The following P3H2 variants were observed in gnomAD, a reference collection of about 807,000 sequenced individuals.
P3H2 encodes prolyl 3-hydroxylase 2.
A neutral mutation model predicts 87.0 loss-of-function variants in P3H2; 80 were observed. That is an observed-to-expected ratio of 0.92 (90% CI 0.77 to 1.11). The LOEUF (loss-of-function observed/expected upper bound fraction) is 1.11, where lower values mean the gene tolerates loss of function less well. Ranked by LOEUF, P3H2 falls within the 50% of genes least tolerant of loss-of-function variation. The probability of loss-of-function intolerance (pLI) is 0.00; values close to 1 mark genes in which losing one functional copy is unlikely to be tolerated. For missense variants in P3H2, 1,001 were observed against 923.9 expected (o/e 1.08, Z -1.08); for synonymous variants, 367 against 359.3 (o/e 1.02, Z -0.24).
rs1560377711 is a variant in P3H2 at position 190,046,630 on chromosome 3, AATC to A, written c.481-51191_481-51189del. Among the ~76,000 whole-genome samples the A allele has an allele frequency of 8.5e-4, 5 of 5,876 alleles. No individual in the cohort carries two copies. In the East Asian group the frequency reaches 0.06, roughly 70 times the overall value. 3.9% of individuals were successfully genotyped at this position (5,876 alleles called of 152,430 possible). A position where few individuals can be genotyped will look rare whatever the true frequency, so the allele number is the denominator to read the frequency against. Reference sequence around the variant, plus strand: ...AAACATTTCAACACTATAATCTCACAATCAGATATAGATTTAAGAAACAATCAG... The same window carrying A: ...AAACATTTCAACACTATAATCTCACAAGATATAGATTTAAGAAACAATCAG... On this transcript the variant is annotated intron_variant, in intron 1 of 14. Transcript: ENST00000319332.
At chr3:190,112,794 T>A (rs915583814) in intron 1 of P3H2, among the ~76,000 whole-genome samples, 3 of 152,178 alleles carry the variant, frequency 2.0e-5, no homozygotes, top group African/African-American at 7.2e-5. Context: ...ACCAAATTTT[T>A]TTTTTAGAGA....
intron 14 of P3H2, among the ~76,000 whole-genome samples, chr3:189,962,164 T>C (rs111444122): frequency 9.7e-4 from 67 of 69,076 alleles, no homozygotes; most frequent in Non-Finnish European, 1.7e-3. Context: ...TCTTCTTCTT[T>C]TTTTTTTTTT....
At chr3:190,081,827 G>C (rs1238266225) in intron 1 of P3H2, among the ~76,000 whole-genome samples, 5 of 152,190 alleles carry the variant, frequency 3.3e-5, no homozygotes, top group Non-Finnish European at 7.3e-5. Flanking sequence ...TGGGGCTGTA[G>C]GATGATACCC....
intron 13 of P3H2, among the ~76,000 whole-genome samples, chr3:189,965,988 A>G (rs1722963749): frequency 6.6e-6 from 1 of 150,472 alleles, no homozygotes. Flanking sequence ...AAAAAGAAAG[A>G]AAGAAAAGAA....
chr3:189,992,524 AT>A, intron 3 of P3H2, among the ~76,000 whole-genome samples: 1 of 152,324 alleles, frequency 6.6e-6, no homozygotes, highest in Middle Eastern at 3.4e-3. Context: ...TCAGAAAAAA[AT>A]GTGTGCTCAA....
At position 190,118,444 on chromosome 3, in the gene P3H2, G is replaced by A. The variant is rs1272414685; in HGVS notation, c.480+1808C>T. 2.0e-5 allele frequency among the ~76,000 whole-genome samples: 3 copies of A among 151,886 alleles called. No individual in the cohort carries two copies. In the East Asian group the frequency reaches 5.8e-4, roughly 29 times the overall value. On this transcript the variant is annotated intron_variant, in intron 1 of 14. Coordinates refer to ENST00000319332, the MANE Select transcript of P3H2 (RefSeq NM_018192.4). The stretch of plus-strand genomic sequence containing the variant: ...GTCAGACACTCAAGGTCCCCTCTCT[G>A]CCTGGTGTTGACTGATTTCTGTAAG...
intron 1 of P3H2, among the ~76,000 whole-genome samples, chr3:190,089,825 T>A (rs752010985): frequency 2.0e-5 from 3 of 152,138 alleles, no homozygotes; most frequent in Non-Finnish European, 2.9e-5. Context: ...AAGACTTGCA[T>A]ACCACAAGGC....
chr3:190,082,117 T>A lies in P3H2; in HGVS notation c.480+38135A>T, dbSNP rs6791043. 2.0e-5 allele frequency among the ~76,000 whole-genome samples: 3 copies of A among 151,736 alleles called. No individual in the cohort carries two copies. The South Asian group carries it at 6.2e-4, about 31-fold the overall frequency. ...CTAAAGATATAAAAATTAGCTGGGC[T>A]TGGTGGTGAGTGTCTGTAATCCCAG... On this transcript the variant is annotated intron_variant, in intron 1 of 14. Transcript: ENST00000319332.
intron 1 of P3H2, among the ~76,000 whole-genome samples, chr3:190,082,819 TAATC>T (rs1287112857): frequency 1.3e-5 from 2 of 152,190 alleles, no homozygotes. Flanking sequence ...TCTTGTTACT[TAATC>T]AAGTGGGAAG....
intron 1 of P3H2, among the ~76,000 whole-genome samples, chr3:190,095,588 T>C (rs1483057192): frequency 6.7e-6 from 1 of 148,296 alleles, no homozygotes; most frequent in Non-Finnish European, 1.5e-5. Flanking sequence ...CAAAAACAAG[T>C]TGTGATTCCT....
chr3:190,030,685 A>G (rs1453564239), intron 1 of P3H2, among the ~76,000 whole-genome samples: 1 of 152,212 alleles, frequency 6.6e-6, no homozygotes, highest in Non-Finnish European at 1.5e-5. Context: ...TTGAAAATTA[A>G]AAGTAATGAA....
chr3:189,960,949 T>TTTC (rs1171720827), intron 14 of P3H2, among the ~76,000 whole-genome samples: 1 of 151,842 alleles, frequency 6.6e-6, no homozygotes, highest in Non-Finnish European at 1.5e-5. Flanking sequence ...CAATCTTTTT[T>TTTC]TTTTTTTTCA....
At chr3:190,063,367 G>A (rs911161324) in intron 1 of P3H2, among the ~76,000 whole-genome samples, 2 of 152,102 alleles carry the variant, frequency 1.3e-5, no homozygotes, top group Non-Finnish European at 2.9e-5. Context: ...ATGTTCTTGG[G>A]AAAAAGGCAT....
intron 1 of P3H2, among the ~76,000 whole-genome samples, chr3:190,036,367 G>A (rs1288304232): frequency 6.6e-6 from 1 of 152,090 alleles, no homozygotes; most frequent in Non-Finnish European, 1.5e-5. Flanking sequence ...AGTATTGAAA[G>A]CCCATCAAAA....
chr3:190,048,634 A>T (rs1725880156), intron 1 of P3H2, among the ~76,000 whole-genome samples: 1 of 152,230 alleles, frequency 6.6e-6, no homozygotes, highest in South Asian at 2.1e-4. Flanking sequence ...AACAAAGTTA[A>T]AATGTAAGCT....
chr3:190,062,347 C>G (rs572296934), intron 1 of P3H2, among the ~76,000 whole-genome samples: 1 of 152,268 alleles, frequency 6.6e-6, no homozygotes, highest in Admixed American at 6.5e-5. Context: ...CAAATCCCCT[C>G]CCATCACAAT....
intron 1 of P3H2, among the ~76,000 whole-genome samples, chr3:190,040,217 T>C (rs182949397): frequency 3.0e-4 from 45 of 152,190 alleles, no homozygotes; most frequent in Non-Finnish European, 5.9e-4. Flanking sequence ...TTTGGCTGCA[T>C]AGATTCCAGG....
intron 1 of P3H2, among the ~76,000 whole-genome samples, chr3:190,106,444 T>C (rs1711840958): frequency 1.3e-5 from 2 of 152,194 alleles, no homozygotes; most frequent in African/African-American, 4.8e-5. Context: ...ATGTAATTAT[T>C]TTCTCCACTT....
At chr3:190,061,380 T>A (rs924703544) in intron 1 of P3H2, among the ~76,000 whole-genome samples, 1 of 152,058 alleles carries the variant, frequency 6.6e-6, no homozygotes, top group Non-Finnish European at 1.5e-5. Flanking sequence ...TTTTATTTAG[T>A]GCAATATGGT....
Sources: allele counts gnomAD v4.1 joint callset (sites outside exome capture counted in the v4.1 genomes callset), GRCh38; gene constraint gnomAD v4.1.1; transcripts MANE v1.5; gene names NCBI Gene and HGNC (gene_info 2026-07-23, HGNC 2026-07-21).